The following GRM7 variants were observed in gnomAD, a reference collection of about 807,000 sequenced individuals.
GRM7 encodes glutamate metabotropic receptor 7.
GRM7 carries 35 observed loss-of-function variants against 84.5 expected under a neutral mutation model. The ratio of observed to expected loss-of-function variants is 0.41; its 90% CI spans 0.32 to 0.55. GRM7 has a LOEUF of 0.55. Among genes scored for constraint, GRM7 ranks in the 20% least tolerant of loss-of-function variants. The probability of loss-of-function intolerance (pLI) is 0.19; values close to 1 mark genes in which losing one functional copy is unlikely to be tolerated. For missense variants in GRM7, 1,003 were observed against 1,194.6 expected (o/e 0.84, Z 2.36); for synonymous variants, 487 against 455.1 (o/e 1.07, Z -0.89).
chr3:7,028,929 G>A (rs191929309), intron 1 of GRM7, among the ~76,000 whole-genome samples: 1 of 152,324 alleles, frequency 6.6e-6, no homozygotes, highest in East Asian at 1.9e-4. Flanking sequence ...GGAACCCTGT[G>A]CACTGCTGTT....
intron 2 of GRM7, among the ~76,000 whole-genome samples, chr3:7,175,574 A>G (rs1042539222): frequency 1.3e-5 from 2 of 152,102 alleles, no homozygotes; most frequent in Non-Finnish European, 2.9e-5. Flanking sequence ...GTGTCACTCT[A>G]TTGCCCAGGC....
chr3:7,514,525 T>A (rs1028601036), intron 7 of GRM7, among the ~76,000 whole-genome samples: 22 of 152,190 alleles, frequency 1.4e-4, no homozygotes, highest in Non-Finnish European at 3.2e-4. Context: ...GGCTCTAAAA[T>A]GCCCATGTGG....
chr3:7,415,647 A>G (rs1353008509), intron 5 of GRM7, among the ~76,000 whole-genome samples: 1 of 152,198 alleles, frequency 6.6e-6, no homozygotes, highest in Non-Finnish European at 1.5e-5. Context: ...GGCTCCTTAT[A>G]TGTAACCTTG....
At chr3:7,638,023 C>T (rs1315425837) in intron 8 of GRM7, among the ~76,000 whole-genome samples, 1 of 152,172 alleles carries the variant, frequency 6.6e-6, no homozygotes, top group African/African-American at 2.4e-5. Context: ...TAATTTCTCT[C>T]TGGCATATCC....
chr3:7,674,991 T>A (rs1700068976), intron 8 of GRM7, among the ~76,000 whole-genome samples: 1 of 152,224 alleles, frequency 6.6e-6, no homozygotes, highest in African/African-American at 2.4e-5. Flanking sequence ...TGGTCAAGCA[T>A]TAACATCCCC....
chr3:7,145,454 C>T (rs1456723618), intron 1 of GRM7, among the ~76,000 whole-genome samples: 2 of 152,156 alleles, frequency 1.3e-5, no homozygotes, highest in Non-Finnish European at 2.9e-5. Flanking sequence ...GTGATTACTT[C>T]AGGGCTGGCC....
chr3:7,650,784 C>G (rs1280711906), intron 8 of GRM7, among the ~76,000 whole-genome samples: 1 of 152,200 alleles, frequency 6.6e-6, no homozygotes, highest in Admixed American at 6.5e-5. Context: ...GTGGCACAAT[C>G]TCGGCTGACT....
intron 4 of GRM7, among the ~76,000 whole-genome samples, chr3:7,410,056 C>T (rs908309189): frequency 2.0e-5 from 3 of 152,124 alleles, no homozygotes; most frequent in Admixed American, 2.0e-4. Flanking sequence ...TCCACCCTGA[C>T]AACCACATAC....
At chr3:7,636,653 G>T (rs3804859) in intron 8 of GRM7, among the ~76,000 whole-genome samples, 132,410 of 152,198 alleles carry the variant, frequency 0.87, 57,758 homozygotes, top group African/African-American at 0.94. Context: ...GAGAATCCTC[G>T]GATCACAGGC....
At chr3:7,253,198 C>T (rs1177959581) in intron 2 of GRM7, among the ~76,000 whole-genome samples, 1 of 151,986 alleles carries the variant, frequency 6.6e-6, no homozygotes, top group African/African-American at 2.4e-5. Flanking sequence ...ATCAACCCTT[C>T]GTCAACTTAC....
intron 2 of GRM7, among the ~76,000 whole-genome samples, chr3:7,195,587 G>C (rs1379208426): frequency 6.6e-6 from 1 of 152,064 alleles, no homozygotes; most frequent in Non-Finnish European, 1.5e-5. Flanking sequence ...GGCTTCAAAA[G>C]TGTTTTATTT....
chr3:7,543,287 G>C (rs137857399), intron 7 of GRM7, among the ~76,000 whole-genome samples: 2 of 152,338 alleles, frequency 1.3e-5, no homozygotes, highest in African/African-American at 2.4e-5. Flanking sequence ...GTTCATCACA[G>C]TACCAATTTG....
intron 4 of GRM7, among the ~76,000 whole-genome samples, chr3:7,366,485 T>C (rs7653827): frequency 0.38 from 57,468 of 151,682 alleles, 11,442 homozygotes; most frequent in East Asian, 0.58. Flanking sequence ...TTGAGTGAAG[T>C]ATATTAATAC....
chr3:7,563,700 G>T (rs1694133687), intron 7 of GRM7, among the ~76,000 whole-genome samples: 1 of 152,136 alleles, frequency 6.6e-6, no homozygotes, highest in Non-Finnish European at 1.5e-5. Flanking sequence ...TGGAGTGGAG[G>T]TTCGGGGGTC....
At chr3:7,415,514 A>G (rs1696124796) in intron 5 of GRM7, among the ~76,000 whole-genome samples, 1 of 152,148 alleles carries the variant, frequency 6.6e-6, no homozygotes, top group Admixed American at 6.6e-5. Flanking sequence ...GTCGGATTTA[A>G]CTGTTACCAT....
chr3:7,647,289 G>A (rs1369457059), intron 8 of GRM7, among the ~76,000 whole-genome samples: 1 of 152,150 alleles, frequency 6.6e-6, no homozygotes, highest in Non-Finnish European at 1.5e-5. Context: ...CAAAGAATGG[G>A]TACAGACACT....
intron 2 of GRM7, among the ~76,000 whole-genome samples, chr3:7,203,344 A>C (rs1051938047): frequency 1.3e-5 from 2 of 152,232 alleles, no homozygotes; most frequent in Admixed American, 1.3e-4. Flanking sequence ...TTCACTTAAC[A>C]TAATGACCTA....
chr3:6,947,473 T>A (rs1575051568), intron 1 of GRM7, among the ~76,000 whole-genome samples: 1 of 152,212 alleles, frequency 6.6e-6, no homozygotes, highest in Non-Finnish European at 1.5e-5. Flanking sequence ...TATTGAGGAT[T>A]TTTGCATCAA....
rs1316304134 is a variant in GRM7 at position 6,868,467 on chromosome 3, T to A, written c.519+6560T>A. Among the ~76,000 whole-genome samples the A allele has an allele frequency of 2.0e-5, 3 of 152,104 alleles. No individual in the cohort carries two copies. The East Asian group carries it at 5.8e-4, about 29-fold the overall frequency. ...AAACTTGAGCACACAAACCCTTACC[T>A]CCAAATGAAAAATGCTTGTTCTCCC... On this transcript the variant is annotated intron_variant, in intron 1 of 9. Coordinates refer to ENST00000357716, the MANE Select transcript of GRM7 (RefSeq NM_000844.4).
Sources: allele counts gnomAD v4.1 joint callset (sites outside exome capture counted in the v4.1 genomes callset), GRCh38; gene constraint gnomAD v4.1.1; transcripts MANE v1.5; gene names NCBI Gene and HGNC (gene_info 2026-07-23, HGNC 2026-07-21).